PPP3CC: variants seen among roughly 807,000 people sequenced by gnomAD.
PPP3CC encodes the protein serine/threonine-protein phosphatase 2B catalytic subunit gamma isoform.
In PPP3CC, 35 loss-of-function variants were observed where a neutral mutation model predicts 60.3. The ratio of observed to expected loss-of-function variants is 0.58; its 90% CI spans 0.44 to 0.77. PPP3CC has a LOEUF of 0.77. Among genes scored for constraint, PPP3CC ranks in the 30% least tolerant of loss-of-function variants. PPP3CC has a pLI of 0.00. For synonymous variants in PPP3CC, 206 were observed against 224.3 expected (o/e 0.92, Z 0.73); for missense variants, 570 against 628.9 (o/e 0.91, Z 1.00).
intron 1 of PPP3CC, among the ~76,000 whole-genome samples, chr8:22,442,885 C>G (rs1289387651): frequency 6.6e-6 from 1 of 152,162 alleles, no homozygotes; most frequent in East Asian, 1.9e-4. Context: ...ACTAAAATGA[C>G]TTCGCAATGC....
At chr8:22,462,402 ATC>A (rs1837387744) in intron 1 of PPP3CC, among the ~76,000 whole-genome samples, 1 of 152,092 alleles carries the variant, frequency 6.6e-6, no homozygotes, top group Admixed American at 6.6e-5. Flanking sequence ...TCACTTTTTA[ATC>A]TCTGTTTCTG....
intron 1 of PPP3CC, among the ~76,000 whole-genome samples, chr8:22,469,161 AC>A (rs1346335470): frequency 7.2e-5 from 11 of 152,236 alleles, no homozygotes; most frequent in Admixed American, 4.6e-4. Flanking sequence ...CCATAAAAAA[AC>A]AAAACAAAAT....
Position 22,441,472 on chromosome 8 carries a change from C to T in PPP3CC, c.49+14C>T. The T allele has an allele frequency of 1.3e-6, 2 of 1,528,998 alleles. No individual in the cohort carries two copies. Among genetic ancestry groups the T allele is most frequent in the South Asian group, 1.2e-5 (1 of 81,272 alleles). The allele number at this position is 1,528,998 out of a possible 1,614,324, so 94.7% of individuals were successfully genotyped here. The stretch of plus-strand genomic sequence containing the variant: ...GCGTCATCAAAGGTGCCTGGCGGGC[C>T]GGGCCTTCCTCTGGGACCCGCGGGA... On this transcript the variant is annotated intron_variant, in intron 1 of 13. Transcript: ENST00000240139.
At chr8:22,504,108 T>G (rs1838839798) in intron 4 of PPP3CC, among the ~76,000 whole-genome samples, 1 of 152,210 alleles carries the variant, frequency 6.6e-6, no homozygotes, top group African/African-American at 2.4e-5. Flanking sequence ...TGCAGAGATT[T>G]TTTAAAAAAT....
chr8:22,469,532 T>C (rs1353451383), intron 1 of PPP3CC, among the ~76,000 whole-genome samples: 3 of 151,890 alleles, frequency 2.0e-5, no homozygotes, highest in Admixed American at 6.6e-5. Flanking sequence ...TAATTCCTCA[T>C]GTAATCTGTA....
At chr8:22,467,616 A>C (rs1039572213) in intron 1 of PPP3CC, among the ~76,000 whole-genome samples, 1 of 152,064 alleles carries the variant, frequency 6.6e-6, no homozygotes, top group Admixed American at 6.6e-5. Context: ...TTTTTAGTAG[A>C]GATAGGGTTT....
At chr8:22,512,340 G>A (rs114069368) in intron 5 of PPP3CC, among the ~76,000 whole-genome samples, 40 of 152,164 alleles carry the variant, frequency 2.6e-4, no homozygotes, top group African/African-American at 9.4e-4. Context: ...TGAATCAATT[G>A]TATCAATAAA....
chr8:22,493,778 C>A (rs574933999), intron 3 of PPP3CC, among the ~76,000 whole-genome samples: 14 of 152,056 alleles, frequency 9.2e-5, no homozygotes, highest in Non-Finnish European at 2.1e-4. Context: ...TTACAATGAG[C>A]CTTTTTCTTT....
chr8:22,480,377 T>C (rs534899367), intron 3 of PPP3CC, among the ~76,000 whole-genome samples: 2 of 152,210 alleles, frequency 1.3e-5, no homozygotes, highest in African/African-American at 2.4e-5. Flanking sequence ...TCTTATATAA[T>C]TTACTAAATG....
At chr8:22,476,791 G>A (rs113667005) in intron 3 of PPP3CC, among the ~76,000 whole-genome samples, 1,750 of 152,120 alleles carry the variant, frequency 0.012, 36 homozygotes, top group African/African-American at 0.04. Flanking sequence ...AATTAGCCGG[G>A]TGTGTAGGCA....
At chr8:22,532,366 G>T in intron 11 of PPP3CC, 60 bp downstream of exon 11, 2 of 1,399,326 alleles carry the variant, frequency 1.4e-6, no homozygotes, top group Non-Finnish European at 2.0e-6. Flanking sequence ...ATTAGACGTC[G>T]AATTCAGAAC....
intron 5 of PPP3CC, among the ~76,000 whole-genome samples, chr8:22,511,585 T>A (rs1586849230): frequency 6.6e-6 from 1 of 152,206 alleles, no homozygotes. Flanking sequence ...AATTTGTTTC[T>A]TATTGCAGTC....
At chr8:22,442,814 C>T (rs1836711994) in intron 1 of PPP3CC, among the ~76,000 whole-genome samples, 1 of 152,132 alleles carries the variant, frequency 6.6e-6, no homozygotes, top group Non-Finnish European at 1.5e-5. Flanking sequence ...AATTTCTGTA[C>T]TGTGCTGTTA....
At chr8:22,499,604 C>G (rs1325823161) in intron 4 of PPP3CC, among the ~76,000 whole-genome samples, 1 of 152,192 alleles carries the variant, frequency 6.6e-6, no homozygotes, top group Non-Finnish European at 1.5e-5. Context: ...AAAACAAACT[C>G]GTAGATTTCC....
chr8:22,500,048 AT>A (rs1219416469), intron 4 of PPP3CC, among the ~76,000 whole-genome samples: 1 of 152,232 alleles, frequency 6.6e-6, no homozygotes, highest in Non-Finnish European at 1.5e-5. Flanking sequence ...ATTTGAATGA[AT>A]GAGCATCTGT....
chr8:22,518,383 T>C (rs1044504335), intron 6 of PPP3CC, among the ~76,000 whole-genome samples: 2 of 152,182 alleles, frequency 1.3e-5, no homozygotes, highest in Non-Finnish European at 2.9e-5. Flanking sequence ...TTTCTATGTA[T>C]TTGTGAATTT....
chr8:22,463,322 T>C (rs1289231241), intron 1 of PPP3CC, among the ~76,000 whole-genome samples: 2 of 152,254 alleles, frequency 1.3e-5, no homozygotes, highest in East Asian at 1.9e-4. Flanking sequence ...ATGGCAATGA[T>C]GTCGGCAGTA....
intron 3 of PPP3CC, among the ~76,000 whole-genome samples, chr8:22,488,415 A>T (rs1838287610): frequency 6.6e-6 from 1 of 152,210 alleles, no homozygotes; most frequent in Non-Finnish European, 1.5e-5. Context: ...CTTTAGATGC[A>T]CTCATAATTA....
chr8:22,442,610 A>G (rs1208167492), intron 1 of PPP3CC, among the ~76,000 whole-genome samples: 1 of 152,186 alleles, frequency 6.6e-6, no homozygotes, highest in Non-Finnish European at 1.5e-5. Context: ...TAGCATTTGT[A>G]TGCTATCGTT....
Sources: gnomAD v4.1 joint callset for allele counts (sites outside exome capture counted in the v4.1 genomes callset) on GRCh38, gnomAD v4.1.1 for gene constraint, MANE v1.5 for transcripts, NCBI Gene and HGNC (gene_info 2026-07-23, HGNC 2026-07-21) for gene names.